KIAA1217: variants seen among roughly 807,000 people sequenced by gnomAD.
KIAA1217 encodes the protein sickle tail protein homolog.
In KIAA1217, 88 loss-of-function variants were observed where a neutral mutation model predicts 163.9. The ratio of observed to expected loss-of-function variants is 0.54; its 90% CI spans 0.45 to 0.64. The LOEUF (loss-of-function observed/expected upper bound fraction) is 0.64, where lower values mean the gene tolerates loss of function less well. KIAA1217 is among the 30% of genes least tolerant of loss of function. The pLI, the probability that KIAA1217 is intolerant of heterozygous loss-of-function variation, is 0.00. For missense variants in KIAA1217, 2,372 were observed against 2,475.0 expected, an observed-to-expected ratio of 0.96 and a Z score of 0.88; for synonymous variants, 903 against 923.1, an observed-to-expected ratio of 0.98 and a Z score of 0.39.
At position 23,701,434 on chromosome 10, in the gene KIAA1217, G is replaced by A. The variant is rs563257521; in HGVS notation, c.-321+6200G>A. Among the ~76,000 whole-genome samples, 6 of 152,190 alleles carry A rather than the reference G, an allele frequency of 3.9e-5. No homozygotes were observed. The South Asian group carries it at 1.0e-3, about 26-fold the overall frequency. On this transcript the variant is annotated intron_variant, in intron 1 of 18. Coordinates refer to the KIAA1217 transcript ENST00000376462. ...ACATTCTCTCATGTCCATGCAAGTC[G>A]TCCTCAAATGGGTTGGCCACCTGTC...
At chr10:23,739,531 G>A (rs1356144906) in intron 1 of KIAA1217, among the ~76,000 whole-genome samples, 2 of 152,198 alleles carry the variant, frequency 1.3e-5, no homozygotes, top group East Asian at 1.9e-4. Flanking sequence ...CAGAACAAGC[G>A]AGGGAGGGTG....
chr10:24,253,951 G>A (rs2074849419), intron 2 of KIAA1217, among the ~76,000 whole-genome samples: 3 of 151,702 alleles, frequency 2.0e-5, no homozygotes, highest in African/African-American at 7.3e-5. Flanking sequence ...AAAATAAAAT[G>A]TTTCCTCTTG....
chr10:24,530,725 C>A (rs1424545499), intron 14 of KIAA1217, among the ~76,000 whole-genome samples: 1 of 151,992 alleles, frequency 6.6e-6, no homozygotes, highest in Non-Finnish European at 1.5e-5. Flanking sequence ...TAGTGAGACC[C>A]CCCTCTTTAC....
chr10:24,297,396 T>C (rs1166786821), intron 2 of KIAA1217, among the ~76,000 whole-genome samples: 1 of 152,188 alleles, frequency 6.6e-6, no homozygotes, highest in African/African-American at 2.4e-5. Context: ...CACATGCCCC[T>C]TGATGGACAG....
chr10:24,545,254 C>T lies in KIAA1217; in HGVS notation c.5334+151C>T, dbSNP rs1418271683. 4 of 1,433,132 alleles carry T rather than the reference C, an allele frequency of 2.8e-6. No homozygotes were observed. In the Admixed American group the frequency reaches 8.4e-5, roughly 30 times the overall value. 88.8% of individuals were successfully genotyped at this position (1,433,132 alleles called of 1,614,324 possible). On this transcript the variant is annotated intron_variant, in intron 20 of 20. Transcript: ENST00000376454. ...GGGGCATGAAGAAAGTCTAAATAAA[C>T]CTTTGTTACACTTTTTTACCACGCT...
At chr10:23,965,413 G>A (rs2131380090) in intron 1 of KIAA1217, among the ~76,000 whole-genome samples, 1 of 152,324 alleles carries the variant, frequency 6.6e-6, no homozygotes, top group African/African-American at 2.4e-5. Context: ...AGAATAGAAG[G>A]CAGTTTAGTC....
rs1177303868 is a variant in KIAA1217 at position 24,494,557 on chromosome 10, T to A, written c.1737T>A (p.Ser579=). The A allele has an allele frequency of 6.2e-7, 1 of 1,613,988 alleles. No individual in the cohort carries two copies. The highest frequency in any genetic ancestry group is 2.2e-5 in the East Asian group (1 of 44,892). The change falls in exon 7 of 21, where the codon TCT becomes TCA. Residue 579 remains serine, a synonymous_variant. Coordinates refer to ENST00000376454, the MANE Select transcript of KIAA1217 (RefSeq NM_019590.5). The part of the protein sequence containing the change: ...QIASLTGLVQ[S]ALFKGPITSY... Reference sequence around the variant, plus strand: ...CCAGTTTAACTGGCCTTGTTCAGTCTGCGCTTTTTAAAGGGCCCATTACAA... The same window carrying A: ...CCAGTTTAACTGGCCTTGTTCAGTCAGCGCTTTTTAAAGGGCCCATTACAA...
At chr10:23,866,456 C>A (rs77113923) in intron 1 of KIAA1217, among the ~76,000 whole-genome samples, 3,528 of 152,204 alleles carry the variant, frequency 0.023, 145 homozygotes, top group African/African-American at 0.08. Flanking sequence ...CCTGTTAGTA[C>A]ACCCACAATT....
intron 2 of KIAA1217, among the ~76,000 whole-genome samples, chr10:24,223,748 C>G (rs1239443789): frequency 7.2e-6 from 1 of 138,374 alleles, no homozygotes; most frequent in Non-Finnish European, 1.5e-5. Flanking sequence ...GGGTCTTGCT[C>G]TGTTGCCCAG....
intron 1 of KIAA1217, among the ~76,000 whole-genome samples, chr10:23,905,469 G>A (rs1842122235): frequency 6.6e-6 from 1 of 151,978 alleles, no homozygotes; most frequent in Non-Finnish European, 1.5e-5. Context: ...ATGACAGCAG[G>A]TCTTCAAAAA....
chr10:24,029,846 T>A (rs2131534059), intron 2 of KIAA1217, among the ~76,000 whole-genome samples: 1 of 152,244 alleles, frequency 6.6e-6, no homozygotes, highest in South Asian at 2.1e-4. Context: ...CACACGGGCA[T>A]GTAGTATCAT....
intron 2 of KIAA1217, among the ~76,000 whole-genome samples, chr10:24,162,406 G>A (rs910058366): frequency 1.3e-5 from 2 of 152,206 alleles, no homozygotes; most frequent in Non-Finnish European, 2.9e-5. Flanking sequence ...TCGTCCTTGA[G>A]GAGGCGTTGT....
intron 3 of KIAA1217, among the ~76,000 whole-genome samples, chr10:24,395,531 G>C (rs1295349010): frequency 6.6e-6 from 1 of 152,184 alleles, no homozygotes; most frequent in Non-Finnish European, 1.5e-5. Context: ...CTTAAGGCCA[G>C]TGCACCTGAG....
intron 1 of KIAA1217, among the ~76,000 whole-genome samples, chr10:23,739,957 G>A (rs1202881921): frequency 6.6e-6 from 1 of 152,160 alleles, no homozygotes; most frequent in African/African-American, 2.4e-5. Flanking sequence ...AAGGATATTT[G>A]CCTGGGAACC....
intron 1 of KIAA1217, among the ~76,000 whole-genome samples, chr10:23,967,899 A>AGTGTG (rs1845135369): frequency 7.0e-6 from 1 of 143,842 alleles, no homozygotes; most frequent in Non-Finnish European, 1.5e-5. Flanking sequence ...AATATATTAA[A>AGTGTG]TGTGTGTGTG....
chr10:24,489,736 T>C (rs1032474838), intron 6 of KIAA1217, among the ~76,000 whole-genome samples: 1 of 151,532 alleles, frequency 6.6e-6, no homozygotes, highest in Non-Finnish European at 1.5e-5. Flanking sequence ...TGGTGGTGCA[T>C]GCCTGTGGTG....
intron 2 of KIAA1217, among the ~76,000 whole-genome samples, chr10:24,081,066 G>A (rs903086832): frequency 6.6e-5 from 10 of 152,190 alleles, no homozygotes; most frequent in Non-Finnish European, 1.0e-4. Flanking sequence ...TGGAATGATT[G>A]TGTTGTAGAT....
chr10:24,131,008 A>T (rs188541520), intron 2 of KIAA1217, among the ~76,000 whole-genome samples: 259 of 152,340 alleles, frequency 1.7e-3, no homozygotes, highest in Non-Finnish European at 2.9e-3. Context: ...CTCCAGGGGG[A>T]ATAAAAATAC....
chr10:24,064,736 C>T (rs2131610929), intron 2 of KIAA1217, among the ~76,000 whole-genome samples: 1 of 152,180 alleles, frequency 6.6e-6, no homozygotes, highest in Non-Finnish European at 1.5e-5. Context: ...CTCCTTGTAC[C>T]TCTGGTAGAA....
Sources: allele counts gnomAD v4.1 joint callset (sites outside exome capture counted in the v4.1 genomes callset), GRCh38; gene constraint gnomAD v4.1.1; transcripts MANE v1.5; gene names NCBI Gene and HGNC (gene_info 2026-07-23, HGNC 2026-07-21).